Variants in RILPL1 observed in about 807,000 individuals in gnomAD.
The protein encoded by RILPL1 is Rab interacting lysosomal protein like 1.
In RILPL1, 33 loss-of-function variants were observed where a neutral mutation model predicts 50.3. The ratio of observed to expected loss-of-function variants is 0.66; its 90% CI spans 0.50 to 0.88. The LOEUF (loss-of-function observed/expected upper bound fraction) is 0.88. Ranked by LOEUF, RILPL1 falls within the 40% of genes least tolerant of loss-of-function variation. The probability of loss-of-function intolerance (pLI) is 0.00; values close to 1 mark genes in which losing one functional copy is unlikely to be tolerated. For synonymous variants in RILPL1, 205 were observed against 228.6 expected, an observed-to-expected ratio of 0.90 and a Z score of 0.93; for missense variants, 418 against 542.5, an observed-to-expected ratio of 0.77 and a Z score of 2.28.
chr12:123,515,794 G>A (rs1195408506), intron 2 of RILPL1, among the ~76,000 whole-genome samples: 1 of 151,170 alleles, frequency 6.6e-6, no homozygotes, highest in Non-Finnish European at 1.5e-5. Flanking sequence ...CAGCACTTTG[G>A]GAGGGTTAGG....
intron 4 of RILPL1, among the ~76,000 whole-genome samples, chr12:123,494,558 G>A (rs1226572148): frequency 1.3e-5 from 2 of 152,166 alleles, no homozygotes; most frequent in Admixed American, 1.3e-4. Flanking sequence ...AGACCCCGGT[G>A]TGGGCCAGGC....
intron 1 of RILPL1, among the ~76,000 whole-genome samples, chr12:123,531,431 C>G (rs1222731337): frequency 6.6e-6 from 1 of 152,168 alleles, no homozygotes; most frequent in Non-Finnish European, 1.5e-5. Context: ...GCCAGGACTT[C>G]TGTGTGATCT....
chr12:123,488,155 T>C (rs968478384), intron 4 of RILPL1, among the ~76,000 whole-genome samples: 3 of 151,946 alleles, frequency 2.0e-5, no homozygotes, highest in Admixed American at 6.6e-5. Flanking sequence ...AAAAACTCCA[T>C]AGGCCCGGCA....
At chr12:123,472,913 T>C in intron 6 of RILPL1, 1 of 505,932 alleles carries the variant, frequency 2.0e-6, no homozygotes. Flanking sequence ...GGGCAAGGCA[T>C]GCATGCTGAT....
intron 4 of RILPL1, among the ~76,000 whole-genome samples, chr12:123,486,887 C>T (rs1233637849): frequency 6.6e-6 from 1 of 152,018 alleles, no homozygotes; most frequent in Non-Finnish European, 1.5e-5. Flanking sequence ...CAAACTCCAC[C>T]ACCCGGGTTC....
chr12:123,497,851 G>T (rs1883126669), intron 4 of RILPL1, among the ~76,000 whole-genome samples: 1 of 152,118 alleles, frequency 6.6e-6, no homozygotes, highest in East Asian at 1.9e-4. Context: ...ACCACACCTG[G>T]CCTTCATGTA....
At chr12:123,511,855 C>T (rs1321667183) in intron 2 of RILPL1, among the ~76,000 whole-genome samples, 2 of 79,030 alleles carry the variant, frequency 2.5e-5, no homozygotes, top group Non-Finnish European at 4.8e-5. Flanking sequence ...AGGTCTGTGT[C>T]TGTGTGTGGT....
At chr12:123,511,940 T>TTGTG (rs143408241) in intron 2 of RILPL1, among the ~76,000 whole-genome samples, 4 of 48,878 alleles carry the variant, frequency 8.2e-5, no homozygotes, top group Admixed American at 2.3e-4. Flanking sequence ...TGTGTGAGGT[T>TTGTG]TGTGTGTGTG....
At chr12:123,505,040 T>G (rs1883646328) in intron 2 of RILPL1, among the ~76,000 whole-genome samples, 1 of 112,776 alleles carries the variant, frequency 8.9e-6, no homozygotes, top group Non-Finnish European at 1.8e-5. Context: ...AGTTTTTTTG[T>G]TTTTTTTTTT....
chr12:123,530,351 A>C (rs953686190), intron 1 of RILPL1, among the ~76,000 whole-genome samples: 1 of 152,174 alleles, frequency 6.6e-6, no homozygotes, highest in Non-Finnish European at 1.5e-5. Flanking sequence ...TTTTTAGTAG[A>C]AATGGGGTTT....
chr12:123,494,624 G>T (rs1203531302), intron 4 of RILPL1, among the ~76,000 whole-genome samples: 1 of 152,176 alleles, frequency 6.6e-6, no homozygotes, highest in African/African-American at 2.4e-5. Context: ...GTTGGAAGGG[G>T]CACACTAGGA....
rs1464738989 is a variant in RILPL1 at position 123,485,078 on chromosome 12, G to A, written c.974+555C>T. On this transcript the variant is annotated intron_variant, in intron 5 of 6. Transcript: ENST00000376874. This position sits in a 1 kb window ranked among gnomAD's most constrained non-coding sequence, Gnocchi z 4.0. ...GGAGCAGGGACCACCTCTGGTGCAT[G>A]GGTCCTTCCTTCCAGCTTTCTATTC... 2.2e-6 allele frequency: 1 copy of A among 449,908 alleles called. No individual in the cohort carries two copies. The highest frequency in any genetic ancestry group is 4.5e-6 in the Non-Finnish European group (1 of 221,786). 27.9% of individuals were successfully genotyped at this position (449,908 alleles called of 1,614,324 possible).
At chr12:123,503,186 C>CTTTTGTTTTTTT (rs1883512180) in intron 2 of RILPL1, among the ~76,000 whole-genome samples, 1 of 80,742 alleles carries the variant, frequency 1.2e-5, no homozygotes, top group Non-Finnish European at 2.3e-5. Context: ...CACGCCTGGC[C>CTTTTGTTTTTTT]TTTTTTTTTT....
At chr12:123,487,671 A>G (rs1266267789) in intron 4 of RILPL1, among the ~76,000 whole-genome samples, 1 of 152,194 alleles carries the variant, frequency 6.6e-6, no homozygotes. Flanking sequence ...GTGTTTATCC[A>G]TTCTTCAGCT....
At chr12:123,521,652 C>T (rs561825549) in intron 2 of RILPL1, among the ~76,000 whole-genome samples, 63 of 5,722 alleles carry the variant, frequency 0.011, 1 homozygote, top group African/African-American at 0.023. Context: ...TATATATATA[C>T]ACATATATGT....
chr12:123,479,746 GCT>G (rs1051133399), intron 6 of RILPL1, among the ~76,000 whole-genome samples: 2 of 152,148 alleles, frequency 1.3e-5, no homozygotes, highest in South Asian at 2.1e-4. Context: ...TTCTGGTCTC[GCT>G]CTCTCGTCTT....
chr12:123,480,136 G>A (rs1370262778), intron 6 of RILPL1, among the ~76,000 whole-genome samples: 2 of 150,994 alleles, frequency 1.3e-5, no homozygotes, highest in Non-Finnish European at 1.5e-5. Flanking sequence ...AAGTGAAAGT[G>A]AAGGTGCTAG....
chr12:123,476,387 G>A (rs1406724626), intron 6 of RILPL1, among the ~76,000 whole-genome samples: 1 of 148,524 alleles, frequency 6.7e-6, no homozygotes, highest in South Asian at 2.2e-4. Context: ...GTTGCGGTGA[G>A]CCGAGATCGC....
intron 6 of RILPL1, chr12:123,473,894 ATTTTTAT>A (rs1881404150): frequency 6.6e-6 from 1 of 151,760 alleles, no homozygotes; most frequent in Admixed American, 6.6e-5. Flanking sequence ...ATTTATTTTT[ATTTTTAT>A]TTTTTATTTT....
Sources: gnomAD v4.1 joint callset for allele counts (sites outside exome capture counted in the v4.1 genomes callset) on GRCh38, gnomAD v4.1.1 for gene constraint, Gnocchi (gnomAD v3.1) non-coding constraint, MANE v1.5 for transcripts, NCBI Gene and HGNC (gene_info 2026-07-23, HGNC 2026-07-21) for gene names.